The following FHIT variants were observed in gnomAD, a reference collection of about 807,000 sequenced individuals.
FHIT encodes the protein fragile histidine triad diadenosine triphosphatase.
Under a neutral mutation model 17.9 loss-of-function variants are expected in FHIT, and 19 were observed. The ratio of observed to expected loss-of-function variants is 1.06; its 90% CI spans 0.74 to 1.56. The LOEUF (loss-of-function observed/expected upper bound fraction) is 1.56, where lower values mean the gene tolerates loss of function less well. Ranked by LOEUF, FHIT falls within the 40% of genes most tolerant of loss-of-function variation. The pLI is 0.00. For missense variants in FHIT, 248 were observed against 189.2 expected (o/e 1.31, Z -1.82); for synonymous variants, 81 against 69.7 (o/e 1.16, Z -0.81).
intron 5 of FHIT, among the ~76,000 whole-genome samples, chr3:60,254,406 C>T (rs1353409146): frequency 6.6e-6 from 1 of 151,910 alleles, no homozygotes; most frequent in Non-Finnish European, 1.5e-5. Flanking sequence ...TGATTTTTCC[C>T]AATATAAATT....
At chr3:60,392,150 T>TAG (rs908930074) in intron 5 of FHIT, among the ~76,000 whole-genome samples, 3 of 152,192 alleles carry the variant, frequency 2.0e-5, no homozygotes, top group Admixed American at 1.3e-4. Flanking sequence ...TGTTGTAACA[T>TAG]GTCTGAGTAG....
chr3:60,411,394 A>G (rs1265403676), intron 5 of FHIT, among the ~76,000 whole-genome samples: 1 of 152,172 alleles, frequency 6.6e-6, no homozygotes, highest in African/African-American at 2.4e-5. Context: ...AAAATAATCC[A>G]CTTAATGTGT....
chr3:60,650,774 G>T (rs2039971927), intron 4 of FHIT, among the ~76,000 whole-genome samples: 1 of 152,072 alleles, frequency 6.6e-6, no homozygotes, highest in South Asian at 2.1e-4. Context: ...ACTTTCAGAG[G>T]CACATAATTT....
chr3:61,147,632 T>C (rs549213363), intron 2 of FHIT, among the ~76,000 whole-genome samples: 1 of 150,972 alleles, frequency 6.6e-6, no homozygotes, highest in Non-Finnish European at 1.5e-5. Flanking sequence ...TCGATCAAGA[T>C]TTATAGAAGA....
intron 4 of FHIT, among the ~76,000 whole-genome samples, chr3:60,762,939 C>T (rs1235815705): frequency 4.6e-5 from 7 of 152,098 alleles, no homozygotes; most frequent in East Asian, 1.9e-4. Context: ...TGTGAGTGAA[C>T]GGCTTAAAAT....
chr3:60,653,187 G>A (rs1191477413), intron 4 of FHIT, among the ~76,000 whole-genome samples: 1 of 151,972 alleles, frequency 6.6e-6, no homozygotes, highest in Non-Finnish European at 1.5e-5. Flanking sequence ...ACATGACACT[G>A]GAGAAAACAG....
intron 4 of FHIT, among the ~76,000 whole-genome samples, chr3:60,559,994 AG>A (rs2036880481): frequency 1.3e-5 from 2 of 152,062 alleles, no homozygotes; most frequent in African/African-American, 2.4e-5. Flanking sequence ...AAACAAGTCA[AG>A]TACAGATGTT....
chr3:60,888,983 T>A (rs1705364997), intron 3 of FHIT, among the ~76,000 whole-genome samples: 1 of 152,182 alleles, frequency 6.6e-6, no homozygotes, highest in Non-Finnish European at 1.5e-5. Flanking sequence ...GTTCAATTCT[T>A]TGCCTTCTAC....
chr3:59,957,061 G>A (rs72875141), intron 7 of FHIT, among the ~76,000 whole-genome samples: 12,182 of 152,232 alleles, frequency 0.08, 721 homozygotes, highest in African/African-American at 0.16. Context: ...TGGAAACCTG[G>A]CAGAGGAGCT....
chr3:60,141,408 GA>G (rs974297759), intron 5 of FHIT, among the ~76,000 whole-genome samples: 2 of 143,468 alleles, frequency 1.4e-5, no homozygotes, highest in African/African-American at 5.2e-5. Context: ...AAACACTGAA[GA>G]CTTTACAAAT....
intron 3 of FHIT, among the ~76,000 whole-genome samples, chr3:61,000,932 T>C (rs1352516822): frequency 1.3e-5 from 2 of 151,136 alleles, no homozygotes; most frequent in Non-Finnish European, 2.9e-5. Flanking sequence ...AATTACTATC[T>C]ACAGTATATA....
chr3:60,246,651 G>C (rs1450486380), intron 5 of FHIT, among the ~76,000 whole-genome samples: 7 of 152,100 alleles, frequency 4.6e-5, no homozygotes, highest in South Asian at 2.1e-4. Flanking sequence ...AGCTTGAGTG[G>C]AGCTCAAGCT....
chr3:60,260,514 G>A (rs9881466), intron 5 of FHIT, among the ~76,000 whole-genome samples: 2,153 of 152,152 alleles, frequency 0.014, 47 homozygotes, highest in African/African-American at 0.049. Flanking sequence ...AAGTGAAAAA[G>A]TGATTGTTGG....
intron 5 of FHIT, among the ~76,000 whole-genome samples, chr3:60,322,798 C>A (rs1025090918): frequency 6.6e-6 from 1 of 152,030 alleles, no homozygotes; most frequent in Non-Finnish European, 1.5e-5. Context: ...TATTTTTGTG[C>A]CCTTGATTAT....
intron 5 of FHIT, among the ~76,000 whole-genome samples, chr3:60,463,367 G>C (rs2032590856): frequency 6.6e-6 from 1 of 152,038 alleles, no homozygotes; most frequent in African/African-American, 2.4e-5. Context: ...TTCTTCTTTT[G>C]GTTGATAAGG....
At chr3:59,958,575 CTGAG>C (rs751009816) in intron 7 of FHIT, among the ~76,000 whole-genome samples, 2 of 152,206 alleles carry the variant, frequency 1.3e-5, no homozygotes, top group Non-Finnish European at 2.9e-5. Context: ...TAGGTTTTTA[CTGAG>C]TGTCAACTCC....
intron 2 of FHIT, among the ~76,000 whole-genome samples, chr3:61,186,472 G>C (rs1479769780): frequency 6.6e-6 from 1 of 152,218 alleles, no homozygotes; most frequent in Non-Finnish European, 1.5e-5. Flanking sequence ...CCTTGAATGA[G>C]GCACAGGGAG....
intron 2 of FHIT, among the ~76,000 whole-genome samples, chr3:61,046,149 C>T (rs1321635841): frequency 6.6e-6 from 1 of 152,020 alleles, no homozygotes; most frequent in African/African-American, 2.4e-5. Flanking sequence ...CAGAGCAGAA[C>T]TGAAGGAGAT....
At chr3:60,422,195 G>A (rs375628448) in intron 5 of FHIT, among the ~76,000 whole-genome samples, 14 of 152,058 alleles carry the variant, frequency 9.2e-5, no homozygotes, top group African/African-American at 2.2e-4. Context: ...TTGCTTTATC[G>A]TATGTCCCAA....
Sources: gnomAD v4.1 joint callset for allele counts (sites outside exome capture counted in the v4.1 genomes callset) on GRCh38, gnomAD v4.1.1 for gene constraint, MANE v1.5 for transcripts, NCBI Gene and HGNC (gene_info 2026-07-23, HGNC 2026-07-21) for gene names.